The following DCHS1 variants were observed in gnomAD, a reference collection of about 807,000 sequenced individuals.
DCHS1 encodes dachsous cadherin-related 1.
In DCHS1, 78 loss-of-function variants were observed where a neutral mutation model predicts 213.9. The observed-to-expected ratio is 0.36, with a 90% CI of 0.30 to 0.44. The LOEUF (loss-of-function observed/expected upper bound fraction) is 0.44. Among genes scored for constraint, DCHS1 ranks in the 20% least tolerant of loss-of-function variants. The pLI is 1.00. For missense variants in DCHS1, 3,946 were observed against 4,395.9 expected, an observed-to-expected ratio of 0.90 and a Z score of 2.89; for synonymous variants, 1,828 against 1,873.7, an observed-to-expected ratio of 0.98 and a Z score of 0.63.
intron 1 of DCHS1, among the ~76,000 whole-genome samples, chr11:6,642,053 A>C (rs141826980): frequency 6.6e-6 from 1 of 152,102 alleles, no homozygotes; most frequent in East Asian, 1.9e-4. Context: ...TTTTCTTCTC[A>C]TCCAGAACTA....
At position 6,630,271 on chromosome 11, in the gene DCHS1, G is replaced by A. The variant is rs1589955859; in HGVS notation, c.4523C>T (p.Ala1508Val). The A allele has an allele frequency of 6.5e-7, 1 of 1,533,916 alleles. No individual in the cohort carries two copies. Among genetic ancestry groups the A allele is most frequent in the Non-Finnish European group, 8.7e-7 (1 of 1,143,628 alleles). ...GGTGGCTTCCACCAGCAGCAGCAGCGCGGGAGTGGTCTCTCGGTCCAGGCC... is the reference window on the plus strand; with the variant it reads ...GGTGGCTTCCACCAGCAGCAGCAGCACGGGAGTGGTCTCTCGGTCCAGGCC... The part of the protein sequence containing the change: ...PRGLDRETTP[A>V]LLLLVEATDR... The change falls in exon 10 of 21, where the codon GCG (alanine) becomes GTG (valine). Residue 1508 changes from alanine (A) to valine (V), a missense_variant. By Grantham distance (64) the Ala-to-Val change is moderately conservative. Around this residue, in one of 3 missense-constraint regions of DCHS1, gnomAD observed 3,384 missense variants for 3,780.1 expected, o/e 0.90. Transcript: ENST00000299441.
chr11:6,644,172 A>G (rs1856122180), intron 1 of DCHS1, among the ~76,000 whole-genome samples: 1 of 152,232 alleles, frequency 6.6e-6, no homozygotes, highest in Non-Finnish European at 1.5e-5. Flanking sequence ...ACTGGTTCCC[A>G]TAACTGACAG....
Position 6,627,115 on chromosome 11 carries a change from CT to C in DCHS1, c.5923del (p.Ser1975AlafsTer12). 6.2e-7 allele frequency: 1 copy of C among 1,613,036 alleles called. No homozygotes were observed. The highest frequency in any genetic ancestry group is 8.5e-7 in the Non-Finnish European group (1 of 1,179,586). On this transcript the variant is annotated frameshift_variant, in exon 14 of 21. Coordinates refer to ENST00000299441, the MANE Select transcript of DCHS1 (RefSeq NM_003737.4). LOFTEE classifies it high-confidence loss of function. The surrounding 1 kb of genome is among the most constrained non-coding windows in gnomAD (Gnocchi z 5.4). ...CAGAGCCAGGGTTGGGGTACTGAAGCTGGGGCCTGGGCGGGGCAGACGTAGG... is the reference window on the plus strand; with the variant it reads ...CAGAGCCAGGGTTGGGGTACTGAAGCGGGGCCTGGGCGGGGCAGACGTAGG... ...LRLRLPRPGPSFSTPTLALAT... is the reference protein window; with the variant it reads ...LRLRLPRPGPXFSTPTLALAT...
In DCHS1 at chr11:6,632,159, T is replaced by C; in HGVS notation, c.3353A>G (p.Gln1118Arg). ...TCGGCCCACGCTGGTCCCTGGGGGCTGGTTCTCAGCCACAGCCAGGAAGGT... is the reference window on the plus strand; with the variant it reads ...TCGGCCCACGCTGGTCCCTGGGGGCCGGTTCTCAGCCACAGCCAGGAAGGT... ...DPTFLAVAENQPPGTSVGRVF... is the reference protein window; with the variant it reads ...DPTFLAVAENRPPGTSVGRVF... The change falls in exon 6 of 21, where the codon CAG becomes CGG. Residue 1118 changes from glutamine (Q) to arginine (R), a missense_variant. Gln to Arg is a conservative substitution (Grantham distance 43). Coordinates refer to ENST00000299441, the MANE Select transcript of DCHS1 (RefSeq NM_003737.4). The surrounding 1 kb of genome is among the most constrained non-coding windows in gnomAD (Gnocchi z 5.9). 1 of 1,594,400 alleles carries C rather than the reference T, an allele frequency of 6.3e-7. No individual in the cohort carries two copies. Among genetic ancestry groups the C allele is most frequent in the Non-Finnish European group, 8.6e-7 (1 of 1,166,876 alleles).
chr11:6,624,665 G>C, intron 20 of DCHS1, 65 bp downstream of exon 20: 1 of 1,601,360 alleles, frequency 6.2e-7, no homozygotes, highest in Non-Finnish European at 8.5e-7. Context: ...ACAAATTCAA[G>C]GAATGAGGTC....
rs16916484 is a variant in DCHS1, at chr11:6,641,975, G to A, written c.-120-242C>T. On this transcript the variant is annotated intron_variant, in intron 1 of 20. Coordinates refer to ENST00000299441, the MANE Select transcript of DCHS1 (RefSeq NM_003737.4). The surrounding 1 kb of genome is among the most constrained non-coding windows in gnomAD (Gnocchi z 7.1). ...AGATTTTTATGCATCCTATTTTTTC[G>A]GGTCTGAATGCCCACAAACTCCCTT... Among the ~76,000 whole-genome samples, 14,385 of 151,980 alleles carry A rather than the reference G, an allele frequency of 0.095. 1,024 individuals carry two copies. Among genetic ancestry groups the A allele is most frequent in the East Asian group, 0.26 (1,328 of 5,168 alleles).
rs762033018 is a variant in DCHS1 at position 6,640,210 on chromosome 11, A to G, written c.1404T>C (p.Asn468=). Reference sequence around the variant, plus strand: ...AGAGCTGGCGGTCAAAGGCAGGTGCATTGTCGTTGACATCAGTGACGTGCA... The same window carrying G: ...AGAGCTGGCGGTCAAAGGCAGGTGCGTTGTCGTTGACATCAGTGACGTGCA... The part of the protein sequence containing the change: ...FVLHVTDVND[N]APAFDRQLYR... The change falls in exon 2 of 21, where the codon AAT becomes AAC. Residue 468 remains asparagine, a synonymous_variant. Coordinates refer to ENST00000299441, the MANE Select transcript of DCHS1 (RefSeq NM_003737.4). The surrounding 1 kb of genome is among the most constrained non-coding windows in gnomAD (Gnocchi z 6.5). 6.2e-7 allele frequency: 1 copy of G among 1,613,386 alleles called. No individual in the cohort carries two copies. The highest frequency in any genetic ancestry group is 1.1e-5 in the South Asian group (1 of 90,900).
intron 1 of DCHS1, among the ~76,000 whole-genome samples, chr11:6,649,822 G>T (rs1331968298): frequency 6.6e-6 from 1 of 152,166 alleles, no homozygotes; most frequent in Non-Finnish European, 1.5e-5. Context: ...AGAGCTAGCA[G>T]AAAAGTTGGA....
intron 1 of DCHS1, among the ~76,000 whole-genome samples, chr11:6,646,224 C>T (rs928014195): frequency 6.6e-6 from 1 of 152,078 alleles, no homozygotes; most frequent in African/African-American, 2.4e-5. Context: ...CACTTGAAGA[C>T]CCACCCACAC....
Position 6,632,264 on chromosome 11 carries a change from C to A in DCHS1, c.3248G>T (p.Gly1083Val), listed in dbSNP as rs753785133. 6.2e-7 allele frequency: 1 copy of A among 1,613,820 alleles called. No homozygotes were observed. The highest frequency in any genetic ancestry group is 8.5e-7 in the Non-Finnish European group (1 of 1,179,792). Reference protein sequence around the residue: ...MAVSGSKAELGQQTGTATVRV... With the variant: ...MAVSGSKAELVQQTGTATVRV... Reference sequence around the variant, plus strand: ...CACGGTGGCTGTGCCTGTCTGCTGCCCCAACTCAGCTTTGGACCCAGACAC... The same window carrying A: ...CACGGTGGCTGTGCCTGTCTGCTGCACCAACTCAGCTTTGGACCCAGACAC... Residue 1083 changes from glycine to valine, a missense_variant, in exon 6 of 21, where the codon GGG becomes GTG. This residue lies in a region of DCHS1 where 3,384 missense variants were observed against 3,780.1 expected (regional missense o/e 0.90). Coordinates refer to ENST00000299441, the MANE Select transcript of DCHS1 (RefSeq NM_003737.4). The surrounding 1 kb of genome is among the most constrained non-coding windows in gnomAD (Gnocchi z 5.9).
intron 1 of DCHS1, among the ~76,000 whole-genome samples, chr11:6,652,234 G>C (rs1240270222): frequency 1.3e-5 from 2 of 152,162 alleles, no homozygotes; most frequent in African/African-American, 2.4e-5. Context: ...AACAACTCAA[G>C]GAGAAAAGAA....
chr11:6,650,638 G>A (rs922462655), intron 1 of DCHS1, among the ~76,000 whole-genome samples: 1 of 152,120 alleles, frequency 6.6e-6, no homozygotes, highest in Non-Finnish European at 1.5e-5. Context: ...GCTCAGGGTG[G>A]GTGAGTCCGT....
intron 9 of DCHS1, 76 bp downstream of exon 9, chr11:6,630,977 C>T (rs999516804): frequency 1.3e-6 from 2 of 1,530,402 alleles, no homozygotes. Flanking sequence ...GCTAGTGGAG[C>T]CAAAGGATTC....
At position 6,628,885 on chromosome 11, in the gene DCHS1, C is replaced by T. The variant is rs1589955195; in HGVS notation, c.5162-55G>A. ...GTCTGCCCTCACCACATGGAGAAAT[C>T]CACACCACACAGTGTTCATACATGT... On this transcript the variant is annotated intron_variant, in intron 12 of 20. Transcript: ENST00000299441. This position sits in a 1 kb window ranked among gnomAD's most constrained non-coding sequence, Gnocchi z 4.3. 2 of 1,548,606 alleles carry T rather than the reference C, an allele frequency of 1.3e-6. No homozygotes were observed. Among genetic ancestry groups the T allele is most frequent in the East Asian group, 4.7e-5 (2 of 42,396 alleles).
In DCHS1 at chr11:6,625,980, G is replaced by A; in HGVS notation, c.6671C>T (p.Pro2224Leu). 6.2e-7 allele frequency: 1 copy of A among 1,613,504 alleles called. No homozygotes were observed. The highest frequency in any genetic ancestry group is 8.5e-7 in the Non-Finnish European group (1 of 1,179,678). ...TGTGGTAGTGATAGTGCCTGTGGTT[G>A]GGTCTACGTGGAACAATCCACGTGC... ...QPARGLFHVDPTTGTITTTAI... is the reference protein window; with the variant it reads ...QPARGLFHVDLTTGTITTTAI... The change falls in exon 17 of 21, where the codon CCA (proline) becomes CTA (leucine). Residue 2224 changes from proline to leucine, a missense_variant. Pro to Leu is a moderately conservative substitution (Grantham distance 98). Around this residue, in one of 3 missense-constraint regions of DCHS1, gnomAD observed 3,384 missense variants for 3,780.1 expected, o/e 0.90. Transcript: ENST00000299441. The surrounding 1 kb of genome is among the most constrained non-coding windows in gnomAD (Gnocchi z 5.3).
rs1020034258 is a variant in DCHS1 at position 6,623,107 on chromosome 11, G to C, written c.8569C>G (p.Pro2857Ala). Reference sequence around the variant, plus strand: ...GTAGTCTGGTTAATACCAAAATAGGGGGAAGAGGTGGCAAGGGAATACAGA... The same window carrying C: ...GTAGTCTGGTTAATACCAAAATAGGCGGAAGAGGTGGCAAGGGAATACAGA... ...LVLYSLATSS[P>A]YFGINQTTGA... The change falls in exon 21 of 21, where the codon CCC (proline) becomes GCC (alanine). Residue 2857 changes from proline (P) to alanine (A), a missense_variant. Pro to Ala is a conservative substitution (Grantham distance 27). This residue lies in a region of DCHS1 where 554 missense variants were observed against 590.2 expected (regional missense o/e 0.94). Coordinates refer to ENST00000299441, the MANE Select transcript of DCHS1 (RefSeq NM_003737.4). The C allele has an allele frequency of 5.0e-6, 8 of 1,604,408 alleles. No individual in the cohort carries two copies. The African/African-American group carries it at 1.1e-4, about 21-fold the overall frequency.
At position 6,622,413 on chromosome 11, in the gene DCHS1, G is replaced by T; in HGVS notation, c.9263C>A (p.Thr3088Asn). ...CCCTGCCTTTCGGCCCTTATACCAG[G>T]TGTCAGGGGCAGGTGGTTCGCAGGA... ...DTSCEPPAPD[T>N]WYKGRKAGLL... The change falls in exon 21 of 21, where the codon ACC becomes AAC. Residue 3088 changes from threonine to asparagine, a missense_variant. This residue lies in a region of DCHS1 where 554 missense variants were observed against 590.2 expected (regional missense o/e 0.94). Coordinates refer to ENST00000299441, the MANE Select transcript of DCHS1 (RefSeq NM_003737.4). This position sits in a 1 kb window ranked among gnomAD's most constrained non-coding sequence, Gnocchi z 5.4. The T allele has an allele frequency of 6.4e-7, 1 of 1,556,352 alleles. No individual in the cohort carries two copies.
chr11:6,627,930 A>G lies in DCHS1; in HGVS notation c.5372-263T>C, dbSNP rs1284372403. Among the ~76,000 whole-genome samples the G allele has an allele frequency of 6.6e-6, 1 of 152,228 alleles. No homozygotes were observed. The highest frequency in any genetic ancestry group is 1.5e-5 in the Non-Finnish European group (1 of 68,050). ...TTTCATAGCACTACTAAGCCATTAT[A>G]TGGCCTTTTTATTCTCATCTCACAG... On this transcript the variant is annotated intron_variant, in intron 13 of 20. Coordinates refer to ENST00000299441, the MANE Select transcript of DCHS1 (RefSeq NM_003737.4). The surrounding 1 kb of genome is among the most constrained non-coding windows in gnomAD (Gnocchi z 5.4).
chr11:6,650,473 G>T (rs1366211448), intron 1 of DCHS1, among the ~76,000 whole-genome samples: 1 of 152,182 alleles, frequency 6.6e-6, no homozygotes, highest in African/African-American at 2.4e-5. Flanking sequence ...CCCCTGGGAG[G>T]GGCTTTTCCT....
Sources: allele counts gnomAD v4.1 joint callset (sites outside exome capture counted in the v4.1 genomes callset), GRCh38; gene constraint gnomAD v4.1.1; regional missense constraint gnomAD v4.1.1; non-coding constraint Gnocchi (gnomAD v3.1); transcripts MANE v1.5; gene names NCBI Gene and HGNC (gene_info 2026-07-23, HGNC 2026-07-21).